Variants in SLC4A8 observed in about 807,000 individuals in gnomAD.
The protein encoded by SLC4A8 is solute carrier family 4 member 8, also known as electroneutral sodium bicarbonate exchanger 1.
A neutral mutation model predicts 125.0 loss-of-function variants in SLC4A8; 40 were observed. The ratio of observed to expected loss-of-function variants is 0.32; its 90% confidence interval spans 0.25 to 0.42. The LOEUF is 0.42. Among genes scored for constraint, SLC4A8 ranks in the 10% least tolerant of loss-of-function variants. The pLI is 1.00. For missense variants in SLC4A8, 863 were observed against 1,355.1 expected (o/e 0.64, Z 5.70); for synonymous variants, 456 against 476.0 (o/e 0.96, Z 0.55).
Position 51,460,053 on chromosome 12 carries a change from A to G in SLC4A8, c.958A>G (p.Arg320Gly). Residue 320 changes from arginine (R) to glycine (G), a missense_variant, in exon 8 of 25, where the codon AGG becomes GGG. This residue lies in a region of SLC4A8 where 390 missense variants were observed against 634.4 expected (regional missense o/e 0.61). Transcript: ENST00000453097. ...GGACCGTCCCATTGTTGCCTTTGTG[A>G]GGCTGTCTCCAGCTGTTCTTCTCTC... ...ILDRPIVAFV[R>G]LSPAVLLSGL... 1 of 1,613,784 alleles carries G rather than the reference A, an allele frequency of 6.2e-7. No individual in the cohort carries two copies. The highest frequency in any genetic ancestry group is 8.5e-7 in the Non-Finnish European group (1 of 1,179,742).
intron 1 of SLC4A8, among the ~76,000 whole-genome samples, chr12:51,408,472 G>A (rs772695575): frequency 1.3e-5 from 2 of 152,054 alleles, no homozygotes; most frequent in Non-Finnish European, 2.9e-5. Context: ...CCAGACCTCA[G>A]GTGATCCACC....
intron 1 of SLC4A8, among the ~76,000 whole-genome samples, chr12:51,399,329 T>G (rs1386612715): frequency 1.3e-5 from 2 of 152,214 alleles, no homozygotes; most frequent in African/African-American, 4.8e-5. Context: ...GGAGTCTCCC[T>G]CCTTCTCCCA....
At chr12:51,447,943 T>A (rs532443026) in intron 2 of SLC4A8, among the ~76,000 whole-genome samples, 1 of 152,024 alleles carries the variant, frequency 6.6e-6, no homozygotes, top group African/African-American at 2.4e-5. Context: ...ATTGTCTTGA[T>A]CTCCTGACCT....
rs768409021 is a variant in SLC4A8 at position 51,425,037 on chromosome 12, T to TA, written c.48+3dup. ...CCGGACGGCGTCCTCAGCTATCAGG[T>TA]AGGGCCCCGCCTCCCGCGCCTCCCG... On this transcript the variant is annotated splice_region_variant and intron_variant, in intron 1 of 24. Coordinates refer to ENST00000453097, the MANE Select transcript of SLC4A8 (RefSeq NM_001039960.3). 2.3e-5 allele frequency: 36 copies of TA among 1,554,602 alleles called. No homozygotes were observed. Among genetic ancestry groups the TA allele is most frequent in the Non-Finnish European group, 3.0e-5 (35 of 1,149,926 alleles).
intron 1 of SLC4A8, among the ~76,000 whole-genome samples, chr12:51,431,557 G>C (rs778250012): frequency 6.6e-6 from 1 of 152,152 alleles, no homozygotes; most frequent in Non-Finnish European, 1.5e-5. Flanking sequence ...GGAGCTCATG[G>C]CCACTGAGAA....
At chr12:51,454,124 CTG>C (rs1950054328) in intron 5 of SLC4A8, among the ~76,000 whole-genome samples, 1 of 152,132 alleles carries the variant, frequency 6.6e-6, no homozygotes, top group Non-Finnish European at 1.5e-5. Context: ...TGGTGAAACC[CTG>C]TCTCTACAAA....
chr12:51,488,705 A>C lies in SLC4A8; in HGVS notation c.2293A>C (p.Arg765=). 1 of 1,613,248 alleles carries C rather than the reference A, an allele frequency of 6.2e-7. No individual in the cohort carries two copies. The highest frequency in any genetic ancestry group is 1.7e-5 in the Admixed American group (1 of 59,902). Reference sequence around the variant, plus strand: ...AATATATTTTCCCCCTTAGCCAACAAGGGATGATCGCGGATGGATTATTAA... The same window carrying C: ...AATATATTTTCCCCCTTAGCCAACACGGGATGATCGCGGATGGATTATTAA... ...LQVPSVFKPT[R]DDRGWIINPI... is the part of the protein sequence containing the mutation. Residue 765 remains arginine, a synonymous_variant, in exon 18 of 25, where the codon AGG becomes CGG. Transcript: ENST00000453097.
chr12:51,512,870 C>G lies in SLC4A8; in HGVS notation c.*5432C>G, dbSNP rs2138481313. On this transcript the variant is annotated 3_prime_UTR_variant, in exon 25 of 25. Coordinates refer to ENST00000453097, the MANE Select transcript of SLC4A8 (RefSeq NM_001039960.3). The stretch of plus-strand genomic sequence containing the variant: ...ATCTATGGGAAAAGATGTTTAAACT[C>G]AGCATGAAGGAGAAACAAATTTAGG... 6.6e-6 allele frequency: 1 copy of G among 152,254 alleles called. No individual in the cohort carries two copies. Among genetic ancestry groups the G allele is most frequent in the Admixed American group, 6.5e-5 (1 of 15,292 alleles). The allele number at this position is 152,254 out of a possible 1,614,324, so 9.4% of individuals were successfully genotyped here. A position where few individuals can be genotyped will look rare whatever the true frequency, so the allele number is the denominator to read the frequency against.
intron 16 of SLC4A8, among the ~76,000 whole-genome samples, 187 bp from the exon 17 acceptor site, chr12:51,485,600 A>C: frequency 6.6e-6 from 1 of 152,216 alleles, no homozygotes; most frequent in East Asian, 1.9e-4. Flanking sequence ...ATTCTCCCTC[A>C]TCATATCCAC....
intron 1 of SLC4A8, among the ~76,000 whole-genome samples, chr12:51,437,454 G>A (rs1408368115): frequency 6.6e-6 from 1 of 152,202 alleles, no homozygotes; most frequent in East Asian, 1.9e-4. Flanking sequence ...ACAGTAATGA[G>A]TGAGTTCTTG....
At chr12:51,488,300 T>A (rs981804116) in intron 17 of SLC4A8, among the ~76,000 whole-genome samples, 6 of 152,196 alleles carry the variant, frequency 3.9e-5, no homozygotes, top group Non-Finnish European at 7.3e-5. Context: ...TTTACTGCAA[T>A]AATTAGAAAA....
chr12:51,455,307 C>T (rs1173025678), intron 5 of SLC4A8, among the ~76,000 whole-genome samples: 1 of 151,606 alleles, frequency 6.6e-6, no homozygotes, highest in African/African-American at 2.4e-5. Context: ...GAAACGGTTC[C>T]TACCTTCAAG....
chr12:51,459,868 C>A, intron 7 of SLC4A8, 83 bp from the exon 8 acceptor site: 1 of 1,262,394 alleles, frequency 7.9e-7, no homozygotes, highest in South Asian at 1.3e-5. Context: ...GACTCTGTCT[C>A]AAAAAAAAGT....
chr12:51,429,482 A>G (rs1169844431), intron 1 of SLC4A8, among the ~76,000 whole-genome samples: 1 of 152,046 alleles, frequency 6.6e-6, no homozygotes, highest in Non-Finnish European at 1.5e-5. Flanking sequence ...CATTTTGATG[A>G]GATCTCTGAA....
At chr12:51,493,338 T>A (rs1419527763) in intron 19 of SLC4A8, among the ~76,000 whole-genome samples, 1 of 152,090 alleles carries the variant, frequency 6.6e-6, no homozygotes, top group African/African-American at 2.4e-5. Flanking sequence ...GATTGTGAGA[T>A]TACAGAAGAT....
Position 51,406,234 on chromosome 12 carries a change from C to A in SLC4A8, c.-112+14746C>A, listed in dbSNP as rs137969496. 5.6e-3 allele frequency among the ~76,000 whole-genome samples: 855 copies of A among 152,278 alleles called. 5 individuals are homozygous for A. The highest frequency in any genetic ancestry group is 9.8e-3 in the Non-Finnish European group (668 of 68,010). On this transcript the variant is annotated intron_variant, in intron 1 of 24. Transcript: ENST00000358657. The stretch of plus-strand genomic sequence containing the variant: ...GAACTTTTTGTCTAATGAGGGAGAT[C>A]ACCAACTGCAAATAAAATTATCCCG...
chr12:51,453,101 A>G (rs1950018721), intron 4 of SLC4A8, among the ~76,000 whole-genome samples: 1 of 152,268 alleles, frequency 6.6e-6, no homozygotes, highest in South Asian at 2.1e-4. Context: ...AATGATAAAA[A>G]GAAAAATATC....
chr12:51,447,742 A>G, intron 2 of SLC4A8, among the ~76,000 whole-genome samples: 2 of 134,038 alleles, frequency 1.5e-5, no homozygotes, highest in African/African-American at 2.8e-5. Context: ...TTTGAGTCAG[A>G]GTCTCGCTCT....
chr12:51,425,396 T>G (rs1592160810), intron 1 of SLC4A8: 1 of 1,092,494 alleles, frequency 9.2e-7, no homozygotes, highest in Non-Finnish European at 1.1e-6. Flanking sequence ...GCAGAAAGGG[T>G]AGCAGGGACC....
Sources: allele counts gnomAD v4.1 joint callset (sites outside exome capture counted in the v4.1 genomes callset), GRCh38; gene constraint gnomAD v4.1.1; regional missense constraint gnomAD v4.1.1; transcripts MANE v1.5; gene names NCBI Gene and HGNC (gene_info 2026-07-23, HGNC 2026-07-21).